KHDRBS2: variants seen among roughly 807,000 people sequenced by gnomAD.
KHDRBS2 encodes KH domain-containing, RNA-binding, signal transduction-associated protein 2.
KHDRBS2 carries 26 observed loss-of-function variants against 44.3 expected under a neutral mutation model. That is an observed-to-expected ratio of 0.59 (90% confidence interval 0.43 to 0.81). The LOEUF (loss-of-function observed/expected upper bound fraction) is 0.81, where lower values mean the gene tolerates loss of function less well. KHDRBS2 is among the 40% of genes least tolerant of loss of function. The pLI is 0.00. For synonymous variants in KHDRBS2, 194 were observed against 151.1 expected, an observed-to-expected ratio of 1.28 and a Z score of -2.08; for missense variants, 476 against 433.1, an observed-to-expected ratio of 1.10 and a Z score of -0.88.
chr6:61,753,214 G>T (rs1777993695), intron 6 of KHDRBS2, among the ~76,000 whole-genome samples: 1 of 151,730 alleles, frequency 6.6e-6, no homozygotes, highest in South Asian at 2.1e-4. Flanking sequence ...ATCCCTCTTT[G>T]TCTTTCAGCC....
At chr6:62,256,450 T>C (rs1472147016) in intron 1 of KHDRBS2, among the ~76,000 whole-genome samples, 3 of 151,982 alleles carry the variant, frequency 2.0e-5, no homozygotes, top group African/African-American at 7.2e-5. Context: ...TGATAGTGAA[T>C]AAGTCTCACT....
At chr6:61,907,181 C>G (rs2127348104) in intron 4 of KHDRBS2, among the ~76,000 whole-genome samples, 1 of 152,144 alleles carries the variant, frequency 6.6e-6, no homozygotes, top group Non-Finnish European at 1.5e-5. Context: ...TTTCACATAC[C>G]TGTTGACAAT....
At chr6:61,588,082 T>A in the KHDRBS2 span, among the ~76,000 whole-genome samples, 1 of 152,216 alleles carries the variant, frequency 6.6e-6, no homozygotes, top group Non-Finnish European at 1.5e-5. Flanking sequence ...CCTACCATCA[T>A]CAAACTAGTT....
the KHDRBS2 span, among the ~76,000 whole-genome samples, chr6:61,623,487 C>T: frequency 1.3e-5 from 2 of 152,170 alleles, no homozygotes; most frequent in South Asian, 2.1e-4. Context: ...CTGATAGAGA[C>T]ATACTGTTGT....
At chr6:62,176,933 GAATA>G (rs1304736114) in intron 2 of KHDRBS2, among the ~76,000 whole-genome samples, 2 of 151,114 alleles carry the variant, frequency 1.3e-5, no homozygotes, top group Admixed American at 1.3e-4. Context: ...TTTATATTTT[GAATA>G]AATGATTAAA....
intron 2 of KHDRBS2, among the ~76,000 whole-genome samples, chr6:62,168,422 G>A (rs1562989767): frequency 6.6e-6 from 1 of 152,132 alleles, no homozygotes; most frequent in Non-Finnish European, 1.5e-5. Context: ...AGGTACACCA[G>A]CAAGCAACAA....
chr6:61,866,117 A>G (rs540645911), intron 6 of KHDRBS2, among the ~76,000 whole-genome samples: 1 of 152,288 alleles, frequency 6.6e-6, no homozygotes, highest in East Asian at 1.9e-4. Context: ...CAGCTCCACT[A>G]GGCAATGTCC....
At chr6:62,060,575 A>T (rs1252581553) in intron 2 of KHDRBS2, among the ~76,000 whole-genome samples, 1 of 151,430 alleles carries the variant, frequency 6.6e-6, no homozygotes, top group Non-Finnish European at 1.5e-5. Context: ...TAACATTATA[A>T]AATGAAATAG....
intron 1 of KHDRBS2, among the ~76,000 whole-genome samples, chr6:62,184,055 T>C (rs1459823157): frequency 6.6e-6 from 1 of 151,728 alleles, no homozygotes; most frequent in African/African-American, 2.4e-5. Context: ...CTTTTTGTAT[T>C]TGAATACAGA....
chr6:62,271,414 T>G (rs1209767555), intron 1 of KHDRBS2, among the ~76,000 whole-genome samples: 1 of 152,182 alleles, frequency 6.6e-6, no homozygotes, highest in Non-Finnish European at 1.5e-5. Flanking sequence ...TTTATAATAC[T>G]TGATAATAAT....
the KHDRBS2 span, among the ~76,000 whole-genome samples, chr6:61,600,026 CAGTT>C: frequency 2.6e-5 from 4 of 152,180 alleles, no homozygotes; most frequent in African/African-American, 4.8e-5. Context: ...AATTACATGA[CAGTT>C]GGTACACTTA....
At chr6:62,177,340 A>G in intron 1 of KHDRBS2, 28 bp from the exon 2 acceptor site, 1 of 1,549,778 alleles carries the variant, frequency 6.5e-7, no homozygotes, top group South Asian at 1.2e-5. Flanking sequence ...GAAGAAAACA[A>G]GTGAAATGAG....
intron 2 of KHDRBS2, among the ~76,000 whole-genome samples, chr6:62,056,050 C>G (rs553303215): frequency 5.5e-4 from 84 of 152,122 alleles, no homozygotes; most frequent in Non-Finnish European, 8.2e-4. Context: ...AGGCTCCCAT[C>G]TTTACGGCCT....
intron 1 of KHDRBS2, among the ~76,000 whole-genome samples, chr6:62,206,236 A>G: frequency 6.6e-6 from 1 of 152,106 alleles, no homozygotes; most frequent in East Asian, 1.9e-4. Context: ...GAGTTCATTG[A>G]GCAAGTCTAC....
At chr6:61,886,947 T>A (rs1203134742) in intron 6 of KHDRBS2, among the ~76,000 whole-genome samples, 5 of 152,126 alleles carry the variant, frequency 3.3e-5, no homozygotes, top group Non-Finnish European at 1.5e-5. Flanking sequence ...CTGGGAGATG[T>A]CCTAAGTATT....
At chr6:61,643,842 G>A in the KHDRBS2 span, among the ~76,000 whole-genome samples, 12 of 152,252 alleles carry the variant, frequency 7.9e-5, no homozygotes, top group East Asian at 2.3e-3. Context: ...CATGCTCATG[G>A]ATAGGAAGAA....
chr6:61,924,271 G>A (rs367869005), intron 4 of KHDRBS2, among the ~76,000 whole-genome samples: 74 of 152,116 alleles, frequency 4.9e-4, no homozygotes, highest in African/African-American at 1.5e-3. Flanking sequence ...CCTAATCTAT[G>A]GGGCCTTCCT....
intron 2 of KHDRBS2, among the ~76,000 whole-genome samples, chr6:62,077,180 T>C (rs1373565776): frequency 6.6e-6 from 1 of 152,062 alleles, no homozygotes; most frequent in Non-Finnish European, 1.5e-5. Context: ...AAAACTTAAT[T>C]TACTGAAGAG....
the KHDRBS2 span, chr6:61,661,460 A>G: frequency 6.6e-6 from 1 of 151,932 alleles, no homozygotes; most frequent in Non-Finnish European, 1.5e-5. Flanking sequence ...AATCAGTCTC[A>G]TGGCAAATTT....
Sources: gnomAD v4.1 joint callset for allele counts (sites outside exome capture counted in the v4.1 genomes callset) on GRCh38, gnomAD v4.1.1 for gene constraint, MANE v1.5 for transcripts, NCBI Gene and HGNC (gene_info 2026-07-23, HGNC 2026-07-21) for gene names.